Variants in TRPC7 observed in about 807,000 individuals in gnomAD.
The protein encoded by TRPC7 is transient receptor potential cation channel subfamily C member 7.
In TRPC7, 42 loss-of-function variants were observed where a neutral mutation model predicts 90.1. That is an observed-to-expected ratio of 0.47 (90% CI 0.36 to 0.60). The LOEUF is 0.60. Among genes scored for constraint, TRPC7 ranks in the 20% least tolerant of loss-of-function variants. The probability of loss-of-function intolerance (pLI) is 0.00; values close to 1 mark genes in which losing one functional copy is unlikely to be tolerated. For missense variants in TRPC7, 955 were observed against 1,112.3 expected, an observed-to-expected ratio of 0.86 and a Z score of 2.01; for synonymous variants, 451 against 436.3, an observed-to-expected ratio of 1.03 and a Z score of -0.42.
intron 2 of TRPC7, among the ~76,000 whole-genome samples, chr5:136,319,448 T>C (rs11748766): frequency 0.2 from 30,032 of 152,144 alleles, 3,342 homozygotes; most frequent in South Asian, 0.4. Context: ...CATACAAACA[T>C]GCTGTTGTTT....
intron 3 of TRPC7, among the ~76,000 whole-genome samples, chr5:136,278,155 C>T (rs1270446248): frequency 6.6e-6 from 1 of 152,236 alleles, no homozygotes; most frequent in Non-Finnish European, 1.5e-5. Flanking sequence ...CTGCCCCACT[C>T]AGGTGACAGT....
chr5:136,328,389 A>G (rs555052208), intron 2 of TRPC7, among the ~76,000 whole-genome samples: 1 of 152,258 alleles, frequency 6.6e-6, no homozygotes, highest in African/African-American at 2.4e-5. Flanking sequence ...TTAATCCCAA[A>G]CATACTCCCT....
chr5:136,247,763 C>T lies in TRPC7; in HGVS notation c.1580-28G>A, dbSNP rs767269734. The stretch of plus-strand genomic sequence containing the variant: ...AAAAGAAAACAATCTGGGTTACTCA[C>T]GAGGCCACAGGATCTATTCTAGAAG... On this transcript the variant is annotated intron_variant, in intron 6 of 11. Coordinates refer to ENST00000513104, the MANE Select transcript of TRPC7 (RefSeq NM_020389.3). The surrounding 1 kb of genome is among the most constrained non-coding windows in gnomAD (Gnocchi z 4.2). The T allele has an allele frequency of 5.0e-6, 8 of 1,600,870 alleles. No individual in the cohort carries two copies. The highest frequency in any genetic ancestry group is 2.2e-5 in the East Asian group (1 of 44,658).
chr5:136,310,119 C>T (rs756619591), intron 3 of TRPC7, among the ~76,000 whole-genome samples: 7 of 152,164 alleles, frequency 4.6e-5, no homozygotes, highest in African/African-American at 7.2e-5. Flanking sequence ...CAGCTTGGCC[C>T]GTTCACCCTC....
chr5:136,250,836 T>G (rs1251298373), intron 6 of TRPC7, among the ~76,000 whole-genome samples: 2 of 152,114 alleles, frequency 1.3e-5, no homozygotes, highest in African/African-American at 2.4e-5. Context: ...TCTCTTCTAC[T>G]CCAAAGCTTG....
At chr5:136,216,072 G>C in intron 11 of TRPC7, 128 bp downstream of exon 11, 2 of 737,670 alleles carry the variant, frequency 2.7e-6, no homozygotes, top group South Asian at 3.5e-5. Flanking sequence ...TGAGCAAGGA[G>C]ACTGAGCCTC....
rs1477796301 is a variant in TRPC7, at chr5:136,213,722, C to T, written c.2420-118G>A. 2.5e-6 allele frequency: 3 copies of T among 1,180,714 alleles called. No homozygotes were observed. In the African/African-American group the frequency reaches 4.6e-5, roughly 18 times the overall value. The allele number at this position is 1,180,714 out of a possible 1,614,324, so 73.1% of individuals were successfully genotyped here. A position where few individuals can be genotyped will look rare whatever the true frequency, so the allele number is the denominator to read the frequency against. ...AATGTCGGGTCCTGGGCCAGCCCAC[C>T]AGGGTTGAAGGTGAGGCAAGGGGGG... is the stretch of plus-strand genomic sequence containing the variant. On this transcript the variant is annotated intron_variant, in intron 11 of 11. Coordinates refer to ENST00000513104, the MANE Select transcript of TRPC7 (RefSeq NM_020389.3).
Position 136,251,700 on chromosome 5 carries a change from C to G in TRPC7, c.1528G>C (p.Asp510His). The G allele has an allele frequency of 6.2e-7, 1 of 1,613,586 alleles. No individual in the cohort carries two copies. The highest frequency in any genetic ancestry group is 1.1e-5 in the South Asian group (1 of 91,046). ...QLYVDQHVQD[D>H]TLHNVSLPPE... Reference sequence around the variant, plus strand: ...GGAAGCGAGACATTGTGCAGCGTGTCGTCCTGCACGTGCTGGTCCACGTAC... The same window carrying G: ...GGAAGCGAGACATTGTGCAGCGTGTGGTCCTGCACGTGCTGGTCCACGTAC... The change falls in exon 6 of 12, where the codon GAC becomes CAC. Residue 510 changes from aspartate to histidine, a missense_variant. Coordinates refer to ENST00000513104, the MANE Select transcript of TRPC7 (RefSeq NM_020389.3).
chr5:136,350,765 C>A (rs2149857827), intron 2 of TRPC7, among the ~76,000 whole-genome samples: 1 of 152,298 alleles, frequency 6.6e-6, no homozygotes, highest in Middle Eastern at 3.4e-3. Context: ...CCTGTGTATG[C>A]TTATTGAGTG....
intron 10 of TRPC7, among the ~76,000 whole-genome samples, chr5:136,221,117 G>C (rs866555918): frequency 6.6e-6 from 1 of 151,316 alleles, no homozygotes; most frequent in African/African-American, 2.4e-5. Context: ...ATGTGTCTGT[G>C]TGTGTGTGTG....
intron 2 of TRPC7, among the ~76,000 whole-genome samples, chr5:136,326,301 C>T (rs920746899): frequency 2.0e-5 from 3 of 152,192 alleles, no homozygotes; most frequent in Admixed American, 6.5e-5. Flanking sequence ...AGACCCTCCA[C>T]CACTAACAGT....
At chr5:136,216,299 A>G in intron 10 of TRPC7, 24 bp from the exon 11 acceptor site, 1 of 1,596,622 alleles carries the variant, frequency 6.3e-7, no homozygotes, top group African/African-American at 1.3e-5. Context: ...CAAGGAAGGG[A>G]TCAGACAGGG....
chr5:136,329,619 T>C (rs1442406862), intron 2 of TRPC7, among the ~76,000 whole-genome samples: 3 of 152,148 alleles, frequency 2.0e-5, no homozygotes, highest in Non-Finnish European at 4.4e-5. Context: ...GAAGAGATCA[T>C]GTACAAATGT....
At chr5:136,344,005 G>A (rs62387363) in intron 2 of TRPC7, among the ~76,000 whole-genome samples, 15,505 of 152,182 alleles carry the variant, frequency 0.1, 846 homozygotes, top group Non-Finnish European at 0.13. Context: ...ACTGTTTACA[G>A]TAGCAAAGAC....
intron 3 of TRPC7, among the ~76,000 whole-genome samples, chr5:136,275,727 A>G (rs1176259159): frequency 6.6e-6 from 1 of 152,176 alleles, no homozygotes; most frequent in Non-Finnish European, 1.5e-5. Flanking sequence ...CTAGGAGTGG[A>G]ACCCTGACCT....
chr5:136,214,829 A>G (rs1755210543), intron 11 of TRPC7, among the ~76,000 whole-genome samples: 1 of 152,110 alleles, frequency 6.6e-6, no homozygotes, highest in African/African-American at 2.4e-5. Context: ...GAGAACAGAA[A>G]CTTCAATCAT....
chr5:136,249,937 C>G lies in TRPC7; in HGVS notation c.1579+1712G>C, dbSNP rs532780420. Among the ~76,000 whole-genome samples the G allele has an allele frequency of 2.6e-5, 4 of 152,250 alleles. No individual in the cohort carries two copies. The South Asian group carries it at 6.2e-4, about 24-fold the overall frequency. On this transcript the variant is annotated intron_variant, in intron 6 of 11. Transcript: ENST00000513104. Reference sequence around the variant, plus strand: ...GGATTTCCAAGGGCACAGCGTGAACCGCAAATACAAGAGCAATAACGTACT... The same window carrying G: ...GGATTTCCAAGGGCACAGCGTGAACGGCAAATACAAGAGCAATAACGTACT...
chr5:136,229,735 C>T (rs1268787391), intron 8 of TRPC7, among the ~76,000 whole-genome samples: 2 of 152,090 alleles, frequency 1.3e-5, no homozygotes, highest in Admixed American at 6.5e-5. Context: ...TTAGGAAAGC[C>T]CTAGCAAGTT....
At position 136,303,080 on chromosome 5, in the gene TRPC7, G is replaced by A. The variant is rs369868979; in HGVS notation, c.963+12517C>T. ...CCGGTCTGGCTTACAGTTTCATTCCGTGACTAGCCCTCCCCCACCTGCCCA... is the reference window on the plus strand; with the variant it reads ...CCGGTCTGGCTTACAGTTTCATTCCATGACTAGCCCTCCCCCACCTGCCCA... On this transcript the variant is annotated intron_variant, in intron 3 of 11. Transcript: ENST00000513104. Among the ~76,000 whole-genome samples the A allele has an allele frequency of 8.7e-4, 132 of 152,174 alleles. 2 individuals are homozygous for A. The South Asian group carries it at 0.023, about 27-fold the overall frequency.
Sources: gnomAD v4.1 joint callset for allele counts (sites outside exome capture counted in the v4.1 genomes callset) on GRCh38, gnomAD v4.1.1 for gene constraint, Gnocchi (gnomAD v3.1) non-coding constraint, MANE v1.5 for transcripts, NCBI Gene and HGNC (gene_info 2026-07-23, HGNC 2026-07-21) for gene names.